ZNF236: variants seen among roughly 807,000 people sequenced by gnomAD.
The protein encoded by ZNF236 is regulated by glucose.
ZNF236 carries 50 observed loss-of-function variants against 191.2 expected under a neutral mutation model. The observed-to-expected ratio is 0.26, with a 90% CI of 0.21 to 0.33. The LOEUF is 0.33. Among genes scored for constraint, ZNF236 ranks in the 10% least tolerant of loss-of-function variants. The probability of loss-of-function intolerance (pLI) is 1.00; values close to 1 mark genes in which losing one functional copy is unlikely to be tolerated. For synonymous variants in ZNF236, 907 were observed against 928.8 expected, an observed-to-expected ratio of 0.98 and a Z score of 0.43; for missense variants, 1,754 against 2,374.5, an observed-to-expected ratio of 0.74 and a Z score of 5.43.
chr18:76,833,682 T>C (rs1385331971), intron 1 of ZNF236, among the ~76,000 whole-genome samples: 1 of 152,166 alleles, frequency 6.6e-6, no homozygotes, highest in Non-Finnish European at 1.5e-5. Context: ...GTTTTGATAC[T>C]AGTATTTTGC....
chr18:76,864,922 A>G (rs1271167130), intron 3 of ZNF236, among the ~76,000 whole-genome samples: 1 of 152,138 alleles, frequency 6.6e-6, no homozygotes, highest in Non-Finnish European at 1.5e-5. Context: ...GAAATTCTAA[A>G]AAGTAATCCA....
intron 1 of ZNF236, chr18:76,824,355 C>G (rs770882755): frequency 2.6e-6 from 2 of 781,082 alleles, no homozygotes; most frequent in South Asian, 2.7e-5. Flanking sequence ...TTTCGCACAC[C>G]TCATGGGCCT....
chr18:76,965,615 G>A (rs12964215), intron 30 of ZNF236, among the ~76,000 whole-genome samples: 33,054 of 152,190 alleles, frequency 0.22, 4,505 homozygotes, highest in East Asian at 0.32. Context: ...TCCTATGGCT[G>A]TGGCTCCCTG....
Position 76,925,714 on chromosome 18 carries a change from G to A in ZNF236, c.4027+160G>A, listed in dbSNP as rs949012129. 1.3e-5 allele frequency among the ~76,000 whole-genome samples: 2 copies of A among 152,182 alleles called. No homozygotes were observed. The highest frequency in any genetic ancestry group is 2.4e-5 in the African/African-American group (1 of 41,440). On this transcript the variant is annotated intron_variant, in intron 22 of 30. Transcript: ENST00000320610. This position sits in a 1 kb window ranked among gnomAD's most constrained non-coding sequence, Gnocchi z 5.7. Reference sequence around the variant, plus strand: ...AGGCATTCGGAAAAATTGGAATTCCGTCTTGCAGACATTGCTCCTTTCCAT... The same window carrying A: ...AGGCATTCGGAAAAATTGGAATTCCATCTTGCAGACATTGCTCCTTTCCAT...
Position 76,871,709 on chromosome 18 carries a change from G to T in ZNF236, c.551G>T (p.Ser184Ile). 1 of 1,614,172 alleles carries T rather than the reference G, an allele frequency of 6.2e-7. No individual in the cohort carries two copies. The highest frequency in any genetic ancestry group is 8.5e-7 in the Non-Finnish European group (1 of 1,180,030). Residue 184 changes from serine (S) to isoleucine (I), a missense_variant, in exon 5 of 31, where the codon AGT becomes ATT. Around this residue, in one of 5 missense-constraint regions of ZNF236, gnomAD observed 336 missense variants for 495.1 expected, o/e 0.68. Coordinates refer to ENST00000320610, the MANE Select transcript of ZNF236 (RefSeq NM_001306089.2). Reference protein sequence around the residue: ...MKTHYKIRVSSTRSYNRNIDR... With the variant: ...MKTHYKIRVSITRSYNRNIDR... ...CCCCTTTATTACACTAGGGTATCAA[G>T]TACAAGGTCTTATAACCGGAATATC...
At chr18:76,828,168 C>CTT (rs940904936) in intron 1 of ZNF236, among the ~76,000 whole-genome samples, 4 of 138,888 alleles carry the variant, frequency 2.9e-5, no homozygotes, top group South Asian at 2.3e-4. Flanking sequence ...TAGGGCTTTA[C>CTT]TTTTTTTTTT....
chr18:76,840,163 A>AG (rs1975438191), intron 1 of ZNF236, among the ~76,000 whole-genome samples: 1 of 152,246 alleles, frequency 6.6e-6, no homozygotes, highest in Non-Finnish European at 1.5e-5. Flanking sequence ...CAGGTAGTAA[A>AG]GCAAGTATTT....
intron 26 of ZNF236, 130 bp from the exon 27 acceptor site, chr18:76,947,391 G>A: frequency 9.2e-7 from 1 of 1,090,848 alleles, no homozygotes; most frequent in Admixed American, 2.4e-5. Context: ...GTTACATGGT[G>A]ACTCCACGGT....
At chr18:76,897,572 C>T (rs1977468414) in intron 10 of ZNF236, among the ~76,000 whole-genome samples, 1 of 152,040 alleles carries the variant, frequency 6.6e-6, no homozygotes, top group African/African-American at 2.4e-5. Context: ...AGGTACTGCA[C>T]ACAGGTGCCA....
At chr18:76,901,978 A>T (rs1480747718) in intron 11 of ZNF236, among the ~76,000 whole-genome samples, 1 of 152,144 alleles carries the variant, frequency 6.6e-6, no homozygotes, top group Non-Finnish European at 1.5e-5. Flanking sequence ...TTGTACACCC[A>T]TGGGTTTCTG....
intron 3 of ZNF236, 24 bp from the exon 4 acceptor site, chr18:76,868,661 T>C: frequency 6.4e-7 from 1 of 1,574,714 alleles, no homozygotes; most frequent in East Asian, 2.3e-5. Context: ...TTTGCTCTGC[T>C]CACCGATGGG....
chr18:76,872,531 CTTTTA>C (rs1372787717), intron 5 of ZNF236, among the ~76,000 whole-genome samples: 1 of 152,144 alleles, frequency 6.6e-6, no homozygotes, highest in Non-Finnish European at 1.5e-5. Context: ...TTTTCATATT[CTTTTA>C]TAATTTTGCC....
chr18:76,861,323 T>C (rs1045512082), intron 3 of ZNF236, among the ~76,000 whole-genome samples: 7 of 152,146 alleles, frequency 4.6e-5, no homozygotes, highest in Admixed American at 3.9e-4. Flanking sequence ...TGAACCATGG[T>C]TTACAGTGAG....
chr18:76,899,174 C>T lies in ZNF236; in HGVS notation c.1846C>T (p.Pro616Ser), dbSNP rs8093707. ...AKVRVGKTNI[P>S]VPDIPLQEPI... ...GGTCCGTGTTGGCAAGACGAATATT[C>T]CAGTCCCTGATATTCCTTTGCAGGA... is the stretch of plus-strand genomic sequence containing the variant. The change falls in exon 11 of 31, where the codon CCA (proline) becomes TCA (serine). Residue 616 changes from proline (P) to serine (S), a missense_variant. Pro to Ser is a moderately conservative substitution (Grantham distance 74). Coordinates refer to ENST00000320610, the MANE Select transcript of ZNF236 (RefSeq NM_001306089.2). 4,756 of 1,614,106 alleles carry T rather than the reference C, an allele frequency of 2.9e-3. 57 individuals are homozygous for T. In the African/African-American group the frequency reaches 0.037, roughly 13 times the overall value.
chr18:76,871,550 A>G (rs1255734478), intron 4 of ZNF236, 151 bp from the exon 5 acceptor site: 1 of 774,366 alleles, frequency 1.3e-6, no homozygotes, highest in Non-Finnish European at 2.1e-6. Context: ...TAACACATAT[A>G]CACACAGACA....
chr18:76,867,259 A>T lies in ZNF236; in HGVS notation c.364-1426A>T, dbSNP rs1599346980. 2.0e-5 allele frequency among the ~76,000 whole-genome samples: 3 copies of T among 148,586 alleles called. No individual in the cohort carries two copies. The South Asian group carries it at 6.4e-4, about 32-fold the overall frequency. ...TTTTTTTTAAGAGCTGCATCAAATT[A>T]TGATTTTTTTTTGTGGGGAGTTTCC... On this transcript the variant is annotated intron_variant, in intron 3 of 30. Coordinates refer to ENST00000320610, the MANE Select transcript of ZNF236 (RefSeq NM_001306089.2).
intron 11 of ZNF236, among the ~76,000 whole-genome samples, chr18:76,899,973 A>G (rs1037630007): frequency 4.6e-5 from 7 of 152,210 alleles, no homozygotes; most frequent in Middle Eastern, 3.2e-3. Flanking sequence ...CCTTCTGGCT[A>G]TGTCCTCCCA....
chr18:76,906,982 GAAAC>G (rs1038783632), intron 13 of ZNF236, among the ~76,000 whole-genome samples: 1 of 152,310 alleles, frequency 6.6e-6, no homozygotes, highest in African/African-American at 2.4e-5. Flanking sequence ...AAGAACCAAG[GAAAC>G]AAACAGAAAA....
chr18:76,852,682 G>A (rs1257539068), intron 3 of ZNF236, among the ~76,000 whole-genome samples: 1 of 151,110 alleles, frequency 6.6e-6, no homozygotes, highest in Non-Finnish European at 1.5e-5. Context: ...CTCCCCCTTT[G>A]CATTATTACT....
Sources: gnomAD v4.1 joint callset for allele counts (sites outside exome capture counted in the v4.1 genomes callset) on GRCh38, gnomAD v4.1.1 for gene constraint, gnomAD v4.1.1 regional missense constraint, Gnocchi (gnomAD v3.1) non-coding constraint, MANE v1.5 for transcripts, NCBI Gene and HGNC (gene_info 2026-07-23, HGNC 2026-07-21) for gene names.